FER: variants seen among roughly 807,000 people sequenced by gnomAD.
FER encodes the protein tyrosine-protein kinase Fer.
Under a neutral mutation model 111.0 loss-of-function variants are expected in FER, and 63 were observed. The ratio of observed to expected loss-of-function variants is 0.57; its 90% confidence interval spans 0.46 to 0.70. FER has a LOEUF of 0.70. Ranked by LOEUF, FER falls within the 30% of genes least tolerant of loss-of-function variation. The pLI is 0.00. For missense variants in FER, 914 were observed against 954.0 expected, an observed-to-expected ratio of 0.96 and a Z score of 0.55; for synonymous variants, 327 against 313.9, an observed-to-expected ratio of 1.04 and a Z score of -0.44.
At chr5:108,752,195 G>C (rs1249747721) in intron 1 of FER, among the ~76,000 whole-genome samples, 3 of 151,930 alleles carry the variant, frequency 2.0e-5, no homozygotes, top group Non-Finnish European at 4.4e-5. Context: ...TAAAATCAAG[G>C]CTCCAATTTT....
rs142282938 is a variant in FER, at chr5:108,958,603, G to A, written c.1534-622G>A. Among the ~76,000 whole-genome samples the A allele has an allele frequency of 6.1e-4, 93 of 151,746 alleles. 1 individual carries two copies. Among genetic ancestry groups the A allele is most frequent in the Non-Finnish European group, 1.1e-3 (73 of 67,736 alleles). ...AATTAAAAAATGCTAAGATTTGAGC[G>A]TGTTGATATCTACAGTTTTGTCACT... On this transcript the variant is annotated intron_variant, in intron 12 of 19. Transcript: ENST00000281092.
intron 1 of FER, among the ~76,000 whole-genome samples, chr5:108,764,751 A>G (rs947645901): frequency 5.9e-5 from 9 of 152,222 alleles, no homozygotes; most frequent in Admixed American, 5.9e-4. Flanking sequence ...TTTGTTTAAA[A>G]TAAATATTTA....
At chr5:109,017,132 G>A (rs1446473832) in intron 13 of FER, among the ~76,000 whole-genome samples, 13 of 151,884 alleles carry the variant, frequency 8.6e-5, no homozygotes, top group Admixed American at 8.6e-4. Context: ...AGTTATTTTA[G>A]GAATTTTAAT....
At chr5:108,927,610 T>A (rs1380039315) in intron 10 of FER, among the ~76,000 whole-genome samples, 1 of 152,092 alleles carries the variant, frequency 6.6e-6, no homozygotes, top group East Asian at 1.9e-4. Context: ...CATGTGAAAG[T>A]CTTTGTGTTT....
chr5:108,934,503 C>A (rs534429592), intron 10 of FER, among the ~76,000 whole-genome samples: 4 of 152,250 alleles, frequency 2.6e-5, no homozygotes, highest in African/African-American at 9.6e-5. Context: ...TATTGACCAA[C>A]TTATTTTTGT....
At chr5:109,116,120 C>G (rs1376575202) in intron 17 of FER, among the ~76,000 whole-genome samples, 1 of 151,966 alleles carries the variant, frequency 6.6e-6, no homozygotes, top group African/African-American at 2.4e-5. Context: ...TGCTGGGGGC[C>G]TTTTCTGAGT....
chr5:108,928,109 C>T (rs563093329), intron 10 of FER, among the ~76,000 whole-genome samples: 9 of 152,218 alleles, frequency 5.9e-5, no homozygotes, highest in African/African-American at 9.6e-5. Flanking sequence ...AGCACAGTAC[C>T]GCTAGTTTGA....
chr5:108,798,709 G>A (rs1463363189), intron 3 of FER, among the ~76,000 whole-genome samples: 11 of 152,150 alleles, frequency 7.2e-5, no homozygotes, highest in African/African-American at 1.9e-4. Flanking sequence ...TTAGCTGGGC[G>A]TGGTAGCATG....
intron 17 of FER, among the ~76,000 whole-genome samples, chr5:109,107,471 TCTCC>T (rs578173099): frequency 3.9e-5 from 6 of 152,054 alleles, no homozygotes; most frequent in Admixed American, 2.6e-4. Context: ...TTTCTGCTCC[TCTCC>T]CTCCCTCCAC....
At chr5:108,992,125 T>G (rs1763266732) in intron 13 of FER, among the ~76,000 whole-genome samples, 1 of 152,106 alleles carries the variant, frequency 6.6e-6, no homozygotes, top group Non-Finnish European at 1.5e-5. Flanking sequence ...AAGCACATCT[T>G]GCACCGCCCT....
At chr5:108,820,116 T>C in intron 3 of FER, 1 of 985,272 alleles carries the variant, frequency 1.0e-6, no homozygotes, top group Non-Finnish European at 1.2e-6. Flanking sequence ...GAATCCTAAC[T>C]ATAGTTCATT....
At chr5:108,758,558 G>A (rs921841974) in intron 1 of FER, among the ~76,000 whole-genome samples, 3 of 152,250 alleles carry the variant, frequency 2.0e-5, no homozygotes, top group African/African-American at 7.2e-5. Flanking sequence ...TTTCAGTTGG[G>A]TTCAGGAAGC....
chr5:108,956,803 G>A (rs1195379478), intron 12 of FER, among the ~76,000 whole-genome samples: 1 of 151,428 alleles, frequency 6.6e-6, no homozygotes, highest in Non-Finnish European at 1.5e-5. Flanking sequence ...TTTTGTGCAG[G>A]TGAATCTTCC....
At chr5:108,821,264 T>C (rs1758814674) in intron 3 of FER, among the ~76,000 whole-genome samples, 1 of 152,192 alleles carries the variant, frequency 6.6e-6, no homozygotes, top group Non-Finnish European at 1.5e-5. Context: ...GTCCTTTGGT[T>C]CTTTAAAAAC....
intron 5 of FER, among the ~76,000 whole-genome samples, chr5:108,845,774 C>T (rs776491476): frequency 2.6e-5 from 4 of 152,138 alleles, no homozygotes; most frequent in African/African-American, 4.8e-5. Flanking sequence ...TTTTTAAAGA[C>T]TTAAAATCCT....
In FER at chr5:108,797,835, C is replaced by T. The variant is rs375013108; in HGVS notation, c.-59-289C>T. Among the ~76,000 whole-genome samples the T allele has an allele frequency of 4.9e-4, 75 of 152,286 alleles. 1 individual carries two copies. In the South Asian group the frequency reaches 0.015, roughly 30 times the overall value. ...TTTTTGTTGCATTACATAGGATTTTCTTCATACAAGATGATGTAATTTGCA... is the reference window on the plus strand; with the variant it reads ...TTTTTGTTGCATTACATAGGATTTTTTTCATACAAGATGATGTAATTTGCA... On this transcript the variant is annotated intron_variant, in intron 2 of 19. Transcript: ENST00000281092.
chr5:108,845,956 C>G (rs1334912814), intron 5 of FER, among the ~76,000 whole-genome samples: 2 of 152,174 alleles, frequency 1.3e-5, no homozygotes. Flanking sequence ...TCTCGCTAGT[C>G]ATGACTAAGG....
At chr5:109,171,189 G>T (rs1757059563) in intron 17 of FER, among the ~76,000 whole-genome samples, 1 of 152,146 alleles carries the variant, frequency 6.6e-6, no homozygotes, top group Non-Finnish European at 1.5e-5. Flanking sequence ...TGACATCAGG[G>T]TTGATGTGTG....
At chr5:108,794,560 T>C (rs1010644963) in intron 2 of FER, among the ~76,000 whole-genome samples, 3 of 122,642 alleles carry the variant, frequency 2.4e-5, no homozygotes, top group East Asian at 2.7e-4. Context: ...ACATTTCTTA[T>C]AGGACTAGTG....
Sources: allele counts gnomAD v4.1 joint callset (sites outside exome capture counted in the v4.1 genomes callset), GRCh38; gene constraint gnomAD v4.1.1; transcripts MANE v1.5; gene names NCBI Gene and HGNC (gene_info 2026-07-23, HGNC 2026-07-21).